LHCGR: variants seen among roughly 807,000 people sequenced by gnomAD.
LHCGR encodes the protein luteinizing hormone/choriogonadotropin receptor.
LHCGR carries 55 observed loss-of-function variants against 60.7 expected under a neutral mutation model. That is an observed-to-expected ratio of 0.91 (90% CI 0.73 to 1.13). The LOEUF is 1.13. Among genes scored for constraint, LHCGR ranks in the 50% most tolerant of loss-of-function variants. The pLI is 0.00. For synonymous variants in LHCGR, 337 were observed against 316.5 expected (o/e 1.06, Z -0.69); for missense variants, 862 against 836.0 (o/e 1.03, Z -0.38).
At chr2:48,731,107 T>G in intron 2 of LHCGR, 120 bp downstream of exon 2, 1 of 670,446 alleles carries the variant, frequency 1.5e-6, no homozygotes. Flanking sequence ...TAAAAATATG[T>G]GAGTATCCTA....
intron 8 of LHCGR, among the ~76,000 whole-genome samples, chr2:48,706,356 C>T (rs972427918): frequency 6.6e-6 from 1 of 152,162 alleles, no homozygotes; most frequent in African/African-American, 2.4e-5. Flanking sequence ...CTTGGTGAAT[C>T]TGACAGTTAT....
chr2:48,731,356 G>T (rs1298844534), intron 1 of LHCGR, 58 bp from the exon 2 acceptor site: 4 of 1,226,792 alleles, frequency 3.3e-6, no homozygotes, highest in African/African-American at 1.5e-5. Flanking sequence ...TGCCTTTTAA[G>T]TTCATGAATA....
chr2:48,728,175 T>C (rs4953620), intron 3 of LHCGR, among the ~76,000 whole-genome samples: 54,581 of 151,690 alleles, frequency 0.36, 11,143 homozygotes, highest in East Asian at 0.61. Flanking sequence ...CAGTGTGGCC[T>C]AGGGAAGCCA....
chr2:48,728,084 T>C (rs1005315305), intron 3 of LHCGR, among the ~76,000 whole-genome samples: 4 of 89,660 alleles, frequency 4.5e-5, no homozygotes, highest in Non-Finnish European at 6.3e-5. Context: ...TAAAACATTA[T>C]GAGTTTTTTT....
At chr2:48,737,756 T>C (rs1669264821) in intron 1 of LHCGR, among the ~76,000 whole-genome samples, 1 of 152,210 alleles carries the variant, frequency 6.6e-6, no homozygotes, top group South Asian at 2.1e-4. Context: ...GAACAGTCTT[T>C]AAAAATACAT....
intron 8 of LHCGR, 103 bp downstream of exon 8, chr2:48,708,845 C>A: frequency 1.1e-6 from 1 of 896,734 alleles, no homozygotes. Context: ...GGTGTAGAGG[C>A]TGATGTCTCA....
rs1668590528 is a variant in LHCGR, at chr2:48,723,551, G to A, written c.459-18C>T. Reference sequence around the variant, plus strand: ...AAATTTCCCTTGAGGAAAGAAATGAGAAATATTTACTTTCTAAATTTTAGC... The same window carrying A: ...AAATTTCCCTTGAGGAAAGAAATGAAAAATATTTACTTTCTAAATTTTAGC... On this transcript the variant is annotated intron_variant, in intron 5 of 10. Coordinates refer to ENST00000294954, the MANE Select transcript of LHCGR (RefSeq NM_000233.4). 1 of 1,607,460 alleles carries A rather than the reference G, an allele frequency of 6.2e-7. No individual in the cohort carries two copies.
chr2:48,704,826 T>C (rs1192740864), intron 8 of LHCGR, among the ~76,000 whole-genome samples: 2 of 152,200 alleles, frequency 1.3e-5, no homozygotes. Context: ...TTTGTTAATC[T>C]ATTCAAAAAA....
intron 1 of LHCGR, among the ~76,000 whole-genome samples, chr2:48,734,512 G>A (rs1285773320): frequency 6.6e-6 from 1 of 152,120 alleles, no homozygotes; most frequent in South Asian, 2.1e-4. Context: ...AAATAAAAAA[G>A]GTTTATTTTG....
At position 48,688,852 on chromosome 2, in the gene LHCGR, G is replaced by A. The variant is rs1029490793; in HGVS notation, c.948-3C>T. On this transcript the variant is annotated splice_region_variant and splice_polypyrimidine_tract_variant and intron_variant, in intron 10 of 10. Coordinates refer to ENST00000294954, the MANE Select transcript of LHCGR (RefSeq NM_000233.4). This position sits in a 1 kb window ranked among gnomAD's most constrained non-coding sequence, Gnocchi z 5.2. ...TCTCAGCAAGCATGGAAGAATAACT[G>A]TAAGAAGAATTATTGGCTTGAGGTA... 6.8e-6 allele frequency: 11 copies of A among 1,613,496 alleles called. No individual in the cohort carries two copies. Among genetic ancestry groups the A allele is most frequent in the African/African-American group, 1.3e-5 (1 of 74,888 alleles).
intron 6 of LHCGR, among the ~76,000 whole-genome samples, chr2:48,719,042 G>GC (rs1668382597): frequency 6.6e-6 from 1 of 152,210 alleles, no homozygotes; most frequent in Admixed American, 6.5e-5. Context: ...AGGATTCTAG[G>GC]CCGGGCATGG....
At chr2:48,747,960 C>T (rs1669787249) in intron 1 of LHCGR, among the ~76,000 whole-genome samples, 1 of 152,142 alleles carries the variant, frequency 6.6e-6, no homozygotes, top group African/African-American at 2.4e-5. Context: ...AGTGGTCTCT[C>T]TAAGCTGGCC....
chr2:48,748,695 C>A (rs1317627488), intron 1 of LHCGR, among the ~76,000 whole-genome samples: 9 of 152,292 alleles, frequency 5.9e-5, no homozygotes, highest in African/African-American at 2.2e-4. Context: ...CAGATTATTA[C>A]AATAATACCT....
rs1304542605 is a variant in LHCGR, at chr2:48,723,655, G to A, written c.425C>T (p.Thr142Met). Residue 142 changes from threonine (T) to methionine (M), a missense_variant, in exon 5 of 11, where the codon ACG (threonine) becomes ATG (methionine). By Grantham distance (81) the Thr-to-Met change is moderately conservative (BLOSUM62 -1). Transcript: ENST00000294954. ...ATTTGATTCAGAGGAGAAGACCTTCGTAACATCTGGAAACTTTCTGATGCC... is the reference window on the plus strand; with the variant it reads ...ATTTGATTCAGAGGAGAAGACCTTCATAACATCTGGAAACTTTCTGATGCC... ...NTGIRKFPDV[T>M]KVFSSESNFI... is the part of the protein sequence containing the mutation. The A allele has an allele frequency of 3.7e-6, 6 of 1,613,898 alleles. No individual in the cohort carries two copies. Among genetic ancestry groups the A allele is most frequent in the East Asian group, 2.2e-5 (1 of 44,866 alleles).
In LHCGR at chr2:48,754,472, C is replaced by T. The variant is rs1572903486; in HGVS notation, c.161+1039G>A. On this transcript the variant is annotated intron_variant, in intron 1 of 10. Coordinates refer to ENST00000294954, the MANE Select transcript of LHCGR (RefSeq NM_000233.4). ...TTTTCCCTTTCTTTTCTTTCCTTTT[C>T]TCTTTTCACAGCTGTATTGAGATGT... is the stretch of plus-strand genomic sequence containing the variant. 4.6e-5 allele frequency among the ~76,000 whole-genome samples: 7 copies of T among 151,836 alleles called. 2 individuals carry two copies.
intron 1 of LHCGR, among the ~76,000 whole-genome samples, chr2:48,754,633 C>T (rs1481690542): frequency 6.6e-6 from 1 of 151,876 alleles, no homozygotes; most frequent in Non-Finnish European, 1.5e-5. Context: ...GATTAGTAGT[C>T]ACCTACTGTC....
At chr2:48,712,498 A>G (rs1357031555) in intron 7 of LHCGR, among the ~76,000 whole-genome samples, 1 of 152,162 alleles carries the variant, frequency 6.6e-6, no homozygotes, top group Non-Finnish European at 1.5e-5. Flanking sequence ...ACACTTCATT[A>G]ACTTAAGGGT....
At chr2:48,710,941 G>T (rs766426798) in intron 7 of LHCGR, among the ~76,000 whole-genome samples, 1 of 152,204 alleles carries the variant, frequency 6.6e-6, no homozygotes, top group Non-Finnish European at 1.5e-5. Flanking sequence ...CCTTAGAAGA[G>T]AATTCAGACT....
At chr2:48,724,836 C>G (rs1668649237) in intron 4 of LHCGR, among the ~76,000 whole-genome samples, 1 of 152,152 alleles carries the variant, frequency 6.6e-6, no homozygotes, top group Non-Finnish European at 1.5e-5. Flanking sequence ...CCAGTAGCAG[C>G]TCTTATAGAA....
Sources: allele counts gnomAD v4.1 joint callset (sites outside exome capture counted in the v4.1 genomes callset), GRCh38; gene constraint gnomAD v4.1.1; non-coding constraint Gnocchi (gnomAD v3.1); transcripts MANE v1.5; gene names NCBI Gene and HGNC (gene_info 2026-07-23, HGNC 2026-07-21).